The following FHIP1A variants were observed in gnomAD, a reference collection of about 807,000 sequenced individuals.
FHIP1A encodes FHF complex subunit HOOK-interacting protein 1A.
In FHIP1A, 61 loss-of-function variants were observed where a neutral mutation model predicts 88.6. The observed-to-expected ratio is 0.69, with a 90% confidence interval of 0.56 to 0.85. FHIP1A has a LOEUF of 0.85. Ranked by LOEUF, FHIP1A falls within the 40% of genes least tolerant of loss-of-function variation. The probability of loss-of-function intolerance (pLI) is 0.00; values close to 1 mark genes in which losing one functional copy is unlikely to be tolerated. For missense variants in FHIP1A, 1,154 were observed against 1,273.5 expected, an observed-to-expected ratio of 0.91 and a Z score of 1.43; for synonymous variants, 478 against 496.0, an observed-to-expected ratio of 0.96 and a Z score of 0.48.
chr4:151,559,064 TTA>T (rs1475835386), intron 3 of FHIP1A, among the ~76,000 whole-genome samples: 4 of 152,202 alleles, frequency 2.6e-5, no homozygotes, highest in African/African-American at 2.4e-5. Flanking sequence ...TGGTTTTCCT[TTA>T]TATGTTTTCT....
intron 3 of FHIP1A, among the ~76,000 whole-genome samples, chr4:151,510,038 G>A (rs1730973830): frequency 6.6e-6 from 1 of 152,032 alleles, no homozygotes; most frequent in South Asian, 2.1e-4. Flanking sequence ...TTTTCCATGT[G>A]CCTGCAAACT....
chr4:151,577,117 A>C (rs772809570), intron 4 of FHIP1A, among the ~76,000 whole-genome samples: 6 of 152,172 alleles, frequency 3.9e-5, no homozygotes, highest in Non-Finnish European at 7.4e-5. Context: ...CATATCACTT[A>C]CAGTTTCTCA....
At chr4:151,510,516 C>T (rs943530407) in intron 3 of FHIP1A, among the ~76,000 whole-genome samples, 1 of 152,090 alleles carries the variant, frequency 6.6e-6, no homozygotes, top group Non-Finnish European at 1.5e-5. Flanking sequence ...ACCCAGCTTC[C>T]CTTAATGTTA....
At chr4:151,628,138 T>C (rs573262932) in intron 7 of FHIP1A, among the ~76,000 whole-genome samples, 1 of 152,268 alleles carries the variant, frequency 6.6e-6, no homozygotes, top group South Asian at 2.1e-4. Flanking sequence ...TCAGATGACA[T>C]AGTGGTGTAT....
intron 3 of FHIP1A, among the ~76,000 whole-genome samples, chr4:151,532,234 T>C (rs1018587813): frequency 6.6e-6 from 1 of 152,222 alleles, no homozygotes; most frequent in Non-Finnish European, 1.5e-5. Flanking sequence ...CTGTGTTGAA[T>C]TTCATAAATC....
chr4:151,435,784 CAAAAAAA>C (rs202118440), intron 1 of FHIP1A, among the ~76,000 whole-genome samples: 5 of 121,396 alleles, frequency 4.1e-5, no homozygotes, highest in Non-Finnish European at 8.7e-5. Context: ...AACTCTGTGT[CAAAAAAA>C]AAAAAAAAAA....
At chr4:151,556,693 C>A (rs1049645452) in intron 3 of FHIP1A, among the ~76,000 whole-genome samples, 4 of 152,008 alleles carry the variant, frequency 2.6e-5, no homozygotes, top group African/African-American at 9.7e-5. Context: ...CCCTTAAAAC[C>A]AGAGATTGAA....
chr4:151,568,461 A>G (rs1386009827), intron 4 of FHIP1A, among the ~76,000 whole-genome samples: 11 of 152,154 alleles, frequency 7.2e-5, no homozygotes, highest in Non-Finnish European at 1.6e-4. Context: ...GTCTCTGCCT[A>G]CAGAGGCTCT....
rs74327398 is a variant in FHIP1A, at chr4:151,485,282, G to GTTTTTTTTTTTTTTTTTTTTTTTTTTT, written c.-123+2654_-123+2655insTTTTTTTTTTTTTTTTTTTTTTTTTTT. Reference sequence around the variant, plus strand: ...TCGAGCATAGTTTGGATCTTTTCCAGTTTTTTTTTTTTTTTTTTTTGTCTG... The same window carrying GTTTTTTTTTTTTTTTTTTTTTTTTTTT: ...TCGAGCATAGTTTGGATCTTTTCCAGTTTTTTTTTTTTTTTTTTTTTTTTTTTTTTTTTTTTTTTTTTTTTTTGTCTG... On this transcript the variant is annotated intron_variant, in intron 3 of 13. Coordinates refer to ENST00000435205, the MANE Select transcript of FHIP1A (RefSeq NM_001109977.3). 3.4e-5 allele frequency among the ~76,000 whole-genome samples: 4 copies of GTTTTTTTTTTTTTTTTTTTTTTTTTTT among 118,730 alleles called. 1 individual carries two copies. The highest frequency in any genetic ancestry group is 1.0e-4 in the African/African-American group (3 of 29,038). 77.9% of individuals were successfully genotyped at this position (118,730 alleles called of 152,430 possible).
intron 3 of FHIP1A, among the ~76,000 whole-genome samples, chr4:151,527,444 G>C (rs139536977): frequency 0.02 from 3,107 of 152,270 alleles, 106 homozygotes; most frequent in African/African-American, 0.07. Flanking sequence ...GAATCAGGCA[G>C]GGAGGTTGCA....
chr4:151,453,354 AT>A (rs1728862448), intron 1 of FHIP1A, among the ~76,000 whole-genome samples: 1 of 152,078 alleles, frequency 6.6e-6, no homozygotes. Context: ...TGATATAAGC[AT>A]TTTTCCATAC....
chr4:151,476,151 T>G (rs1245475840), intron 2 of FHIP1A, among the ~76,000 whole-genome samples: 1 of 149,554 alleles, frequency 6.7e-6, no homozygotes, highest in African/African-American at 2.5e-5. Flanking sequence ...TGAGACACTG[T>G]GCTCGGCCGA....
intron 7 of FHIP1A, among the ~76,000 whole-genome samples, chr4:151,595,565 C>T (rs781363822): frequency 3.9e-5 from 6 of 151,944 alleles, no homozygotes; most frequent in African/African-American, 1.5e-4. Context: ...AGTTGAAGTC[C>T]GTCCTGGATA....
intron 2 of FHIP1A, among the ~76,000 whole-genome samples, chr4:151,467,528 T>C (rs1729363343): frequency 6.6e-6 from 1 of 152,216 alleles, no homozygotes; most frequent in East Asian, 1.9e-4. Context: ...TGCACACATA[T>C]GTTTACTCCA....
chr4:151,441,413 C>T (rs1318398290), intron 1 of FHIP1A, among the ~76,000 whole-genome samples: 1 of 151,192 alleles, frequency 6.6e-6, no homozygotes, highest in Non-Finnish European at 1.5e-5. Flanking sequence ...AATGAATTAT[C>T]TTTACTTGCA....
intron 3 of FHIP1A, among the ~76,000 whole-genome samples, chr4:151,492,609 A>C (rs528228610): frequency 8.0e-5 from 12 of 150,108 alleles, no homozygotes; most frequent in Non-Finnish European, 1.6e-4. Flanking sequence ...AAAAAAAAAG[A>C]AAATTGCAAT....
chr4:151,499,521 G>A (rs1428767983), intron 3 of FHIP1A, among the ~76,000 whole-genome samples: 1 of 152,140 alleles, frequency 6.6e-6, no homozygotes, highest in Non-Finnish European at 1.5e-5. Flanking sequence ...ATATGATTTC[G>A]TGAAATAAGC....
At chr4:151,423,945 A>G (rs1733268815) in intron 1 of FHIP1A, among the ~76,000 whole-genome samples, 1 of 152,222 alleles carries the variant, frequency 6.6e-6, no homozygotes, top group South Asian at 2.1e-4. Flanking sequence ...CACAAATTAT[A>G]TAAATCTAAA....
At chr4:151,436,336 C>T (rs1728197075) in intron 1 of FHIP1A, 1 of 152,134 alleles carries the variant, frequency 6.6e-6, no homozygotes, top group South Asian at 2.1e-4. Flanking sequence ...CATTCTGACT[C>T]AGTACCAAAA....
Sources: allele counts gnomAD v4.1 joint callset (sites outside exome capture counted in the v4.1 genomes callset), GRCh38; gene constraint gnomAD v4.1.1; transcripts MANE v1.5; gene names NCBI Gene and HGNC (gene_info 2026-07-23, HGNC 2026-07-21).